Variants in RFX3 observed in about 807,000 individuals in gnomAD.
The protein encoded by RFX3 is regulatory factor X3, also known as transcription factor RFX3.
In RFX3, 14 loss-of-function variants were observed where a neutral mutation model predicts 98.6. The ratio of observed to expected loss-of-function variants is 0.14; its 90% confidence interval spans 0.09 to 0.22. The LOEUF is 0.22. RFX3 is among the 10% of genes least tolerant of loss of function. The probability of loss-of-function intolerance (pLI) is 1.00; values close to 1 mark genes in which losing one functional copy is unlikely to be tolerated. For synonymous variants in RFX3, 383 were observed against 328.4 expected (o/e 1.17, Z -1.80); for missense variants, 639 against 926.9 (o/e 0.69, Z 4.03).
At chr9:3,394,698 T>A in intron 2 of RFX3, 1 of 356,100 alleles carries the variant, frequency 2.8e-6, no homozygotes, top group Non-Finnish European at 3.9e-6. Context: ...TGCTAAAGAG[T>A]CTCTTTAATA....
chr9:3,283,321 CCA>C (rs1826155042), intron 7 of RFX3, among the ~76,000 whole-genome samples: 1 of 151,596 alleles, frequency 6.6e-6, no homozygotes, highest in Non-Finnish European at 1.5e-5. Flanking sequence ...TTTAACACTT[CCA>C]GTTATTAAAA....
chr9:3,363,843 C>T lies in RFX3; in HGVS notation c.118-17079G>A, dbSNP rs544767804. 6.6e-5 allele frequency among the ~76,000 whole-genome samples: 10 copies of T among 152,334 alleles called. No homozygotes were observed. The East Asian group carries it at 1.7e-3, about 26-fold the overall frequency. On this transcript the variant is annotated intron_variant, in intron 2 of 16. Coordinates refer to ENST00000617270, the MANE Select transcript of RFX3 (RefSeq NM_001282116.2). Reference sequence around the variant, plus strand: ...TGATATTGGTAGTACAAAGGCAAGACATTAAGTAACAATAAATCATATACT... The same window carrying T: ...TGATATTGGTAGTACAAAGGCAAGATATTAAGTAACAATAAATCATATACT...
Position 3,270,081 on chromosome 9 carries a change from GGAAAGAAAGAAAGAAAGAAAGAAAGAAA to G in RFX3, c.1357+262_1357+289del, listed in dbSNP as rs57222273. Among the ~76,000 whole-genome samples, 16 of 137,874 alleles carry G rather than the reference GGAAAGAAAGAAAGAAAGAAAGAAAGAAA, an allele frequency of 1.2e-4. No homozygotes were observed. The South Asian group carries it at 1.4e-3, about 12-fold the overall frequency. 90.5% of individuals were successfully genotyped at this position (137,874 alleles called of 152,430 possible). A position where few individuals can be genotyped will look rare whatever the true frequency, so the allele number is the denominator to read the frequency against. Reference sequence around the variant, plus strand: ...AGAAAAAAGAAAGAAAGAGAAAGAAGGAAAGAAAGAAAGAAAGAAAGAAAGAAAGAAAGAAAGAAAGAAAGGAAAGAAA... The same window carrying G: ...AGAAAAAAGAAAGAAAGAGAAAGAAGGAAAGAAAGAAAGAAAGGAAAGAAA... On this transcript the variant is annotated intron_variant, in intron 11 of 16. Transcript: ENST00000617270.
intron 1 of RFX3, among the ~76,000 whole-genome samples, chr9:3,482,196 C>T (rs1849825376): frequency 1.3e-5 from 2 of 151,386 alleles, no homozygotes; most frequent in African/African-American, 4.9e-5. Flanking sequence ...TTATTCATTA[C>T]CATTAAAAGA....
chr9:3,330,053 C>T (rs1832407007), intron 4 of RFX3, among the ~76,000 whole-genome samples: 1 of 152,126 alleles, frequency 6.6e-6, no homozygotes, highest in Admixed American at 6.6e-5. Context: ...ATTAAAAACT[C>T]TAATTCACCT....
intron 1 of RFX3, among the ~76,000 whole-genome samples, chr9:3,518,411 A>T (rs886734278): frequency 6.6e-6 from 1 of 152,274 alleles, no homozygotes; most frequent in African/African-American, 2.4e-5. Context: ...AAATAACGCA[A>T]AGGGGGTCAT....
At chr9:3,267,340 G>A (rs1369918994) in intron 11 of RFX3, among the ~76,000 whole-genome samples, 1 of 151,686 alleles carries the variant, frequency 6.6e-6, no homozygotes, top group African/African-American at 2.4e-5. Flanking sequence ...GTTATATTTT[G>A]GGCCGAGGTC....
intron 4 of RFX3, among the ~76,000 whole-genome samples, chr9:3,320,600 A>G (rs1831154090): frequency 6.6e-6 from 1 of 150,538 alleles, no homozygotes; most frequent in East Asian, 2.0e-4. Context: ...TATCTTATAT[A>G]AGCACATAGT....
At chr9:3,301,788 C>T (rs374515389) in intron 4 of RFX3, among the ~76,000 whole-genome samples, 168 bp from the exon 5 acceptor site, 36 of 151,858 alleles carry the variant, frequency 2.4e-4, no homozygotes, top group African/African-American at 7.5e-4. Context: ...CTCCAGAGAA[C>T]AAAATAAAAA....
At chr9:3,463,670 T>G (rs1160473864) in intron 1 of RFX3, among the ~76,000 whole-genome samples, 1 of 152,062 alleles carries the variant, frequency 6.6e-6, no homozygotes, top group Non-Finnish European at 1.5e-5. Context: ...AACAAAGAAC[T>G]GTTTTTTTTA....
chr9:3,392,235 A>G (rs1489374444), intron 2 of RFX3, among the ~76,000 whole-genome samples: 1 of 152,168 alleles, frequency 6.6e-6, no homozygotes, highest in Non-Finnish European at 1.5e-5. Context: ...ATCAGAGAAA[A>G]GCTTTTAACA....
rs567142874 is a variant in RFX3 at position 3,425,932 on chromosome 9, T to A, written c.-8-30336A>T. On this transcript the variant is annotated intron_variant, in intron 1 of 16. Transcript: ENST00000617270. ...AGCATGTTGGAGATCGTAAAACAAA[T>A]TTTTAATTAGTTATTGTTCTTTTCA... Among the ~76,000 whole-genome samples the A allele has an allele frequency of 2.6e-5, 4 of 152,306 alleles. No individual in the cohort carries two copies. In the South Asian group the frequency reaches 8.3e-4, roughly 32 times the overall value.
chr9:3,226,018 T>A (rs149612818), intron 16 of RFX3, among the ~76,000 whole-genome samples: 2 of 152,326 alleles, frequency 1.3e-5, no homozygotes, highest in African/African-American at 4.8e-5. Context: ...AACTAAAGCA[T>A]CATTATAATA....
chr9:3,332,332 T>A (rs1044116164), intron 3 of RFX3, among the ~76,000 whole-genome samples: 2 of 152,306 alleles, frequency 1.3e-5, no homozygotes, highest in South Asian at 4.1e-4. Context: ...CTTATACACA[T>A]AGCGTGAAGG....
intron 1 of RFX3, among the ~76,000 whole-genome samples, chr9:3,469,950 T>C (rs186145702): frequency 4.6e-5 from 7 of 152,248 alleles, no homozygotes; most frequent in Admixed American, 2.6e-4. Flanking sequence ...GATGCTGATT[T>C]GCCACAAGCA....
At chr9:3,262,822 T>C (rs1586789203) in intron 13 of RFX3, 113 bp downstream of exon 13, 3 of 1,082,952 alleles carry the variant, frequency 2.8e-6, no homozygotes, top group Non-Finnish European at 4.1e-6. Flanking sequence ...ACTGTGAATA[T>C]AGATGCTGCC....
chr9:3,257,952 A>G (rs1393447105), intron 13 of RFX3, among the ~76,000 whole-genome samples: 2 of 152,200 alleles, frequency 1.3e-5, no homozygotes, highest in Non-Finnish European at 2.9e-5. Context: ...AGGAACTTTT[A>G]AGGCTACTTT....
At chr9:3,339,655 G>A (rs146837630) in intron 3 of RFX3, among the ~76,000 whole-genome samples, 160 of 152,282 alleles carry the variant, frequency 1.1e-3, no homozygotes, top group African/African-American at 3.7e-3. Flanking sequence ...CAGAGAACAG[G>A]ATGCAAACAA....
At chr9:3,243,921 T>C (rs1350493274) in intron 15 of RFX3, among the ~76,000 whole-genome samples, 1 of 152,194 alleles carries the variant, frequency 6.6e-6, no homozygotes, top group Non-Finnish European at 1.5e-5. Context: ...CAGAACCTGA[T>C]TTCACAATTT....
Sources: allele counts gnomAD v4.1 joint callset (sites outside exome capture counted in the v4.1 genomes callset), GRCh38; gene constraint gnomAD v4.1.1; transcripts MANE v1.5; gene names NCBI Gene and HGNC (gene_info 2026-07-23, HGNC 2026-07-21).